RECK: variants seen among roughly 807,000 people sequenced by gnomAD.
RECK encodes reversion-inducing cysteine-rich protein with Kazal motifs.
In RECK, 69 loss-of-function variants were observed where a neutral mutation model predicts 115.1. That is an observed-to-expected ratio of 0.60 (90% CI 0.49 to 0.73). The LOEUF (loss-of-function observed/expected upper bound fraction) is 0.73, where lower values mean the gene tolerates loss of function less well. RECK is among the 30% of genes least tolerant of loss of function. The pLI is 0.00. For missense variants in RECK, 1,047 were observed against 1,203.7 expected (o/e 0.87, Z 1.93); for synonymous variants, 414 against 419.7 (o/e 0.99, Z 0.17).
chr9:36,104,562 T>G (rs963243358), intron 12 of RECK, among the ~76,000 whole-genome samples: 2 of 149,242 alleles, frequency 1.3e-5, no homozygotes, highest in African/African-American at 4.9e-5. Context: ...CAAGCTGGAG[T>G]GCAGTGATGT....
intron 6 of RECK, among the ~76,000 whole-genome samples, chr9:36,070,105 A>G (rs1822170364): frequency 6.6e-6 from 1 of 152,262 alleles, no homozygotes; most frequent in Admixed American, 6.5e-5. Context: ...TAAAATATCT[A>G]CTTCAGACAG....
chr9:36,065,463 T>C, intron 5 of RECK, 114 bp from the exon 6 acceptor site: 1 of 674,510 alleles, frequency 1.5e-6, no homozygotes, highest in Non-Finnish European at 2.3e-6. Flanking sequence ...AAGGTTTTCC[T>C]TGATGAAATA....
At position 36,062,160 on chromosome 9, in the gene RECK, CTT is replaced by C. The variant is rs770648750; in HGVS notation, c.272-1618_272-1617del. ...TCATAATTATTTCTTGCATCTCCTACTTTTTTTTTTTTTTTTTTGAGATGGAG... is the reference window on the plus strand; with the variant it reads ...TCATAATTATTTCTTGCATCTCCTACTTTTTTTTTTTTTTTTGAGATGGAG... On this transcript the variant is annotated intron_variant, in intron 4 of 20. Transcript: ENST00000377966. 4.7e-3 allele frequency among the ~76,000 whole-genome samples: 619 copies of C among 131,922 alleles called. 4 individuals are homozygous for C. Among genetic ancestry groups the C allele is most frequent in the Non-Finnish European group, 4.8e-3 (306 of 63,100 alleles). The allele number at this position is 131,922 out of a possible 152,430, so 86.5% of individuals were successfully genotyped here.
Position 36,112,360 on chromosome 9 carries a change from C to T in RECK, c.1944C>T (p.Arg648=). Reference sequence around the variant, plus strand: ...TCCCTGTATGTGGGCAGAATGGGCGCACTTACCCCAGTGCCTGCATTGCTC... The same window carrying T: ...TCCCTGTATGTGGGCAGAATGGGCGTACTTACCCCAGTGCCTGCATTGCTC... ...QFVPVCGQNG[R]TYPSACIARC... is the part of the protein sequence containing the mutation. Residue 648 remains arginine (R), a synonymous_variant, in exon 16 of 21, where the codon CGC becomes CGT. Transcript: ENST00000377966. 6.2e-7 allele frequency: 1 copy of T among 1,613,794 alleles called. No homozygotes were observed. The highest frequency in any genetic ancestry group is 8.5e-7 in the Non-Finnish European group (1 of 1,180,012).
At chr9:36,099,239 A>ACAT (rs1254624107) in intron 10 of RECK, among the ~76,000 whole-genome samples, 2 of 145,990 alleles carry the variant, frequency 1.4e-5, no homozygotes, top group Non-Finnish European at 3.0e-5. Context: ...AACAACAACA[A>ACAT]CAACAACAAC....
intron 10 of RECK, among the ~76,000 whole-genome samples, chr9:36,097,214 G>C (rs1243333904): frequency 6.6e-6 from 1 of 151,626 alleles, no homozygotes; most frequent in East Asian, 1.9e-4. Context: ...TGTAGTCTCA[G>C]CTACTTGGGA....
chr9:36,100,451 T>TA lies in RECK; in HGVS notation c.1211dup (p.Cys405ValfsTer16). The TA allele has an allele frequency of 6.2e-7, 1 of 1,614,026 alleles. No individual in the cohort carries two copies. Among genetic ancestry groups the TA allele is most frequent in the Non-Finnish European group, 8.5e-7 (1 of 1,179,902 alleles). On this transcript the variant is annotated frameshift_variant, in exon 11 of 21. Coordinates refer to ENST00000377966, the MANE Select transcript of RECK (RefSeq NM_021111.3). LOFTEE classifies it high-confidence loss of function. ...TTATCAATATACCTGTTCTTGATAT[T>TA]AAAAAGTGCCAGCCAGAGATGTGGA...
chr9:36,082,239 G>A (rs1822746469), intron 7 of RECK, among the ~76,000 whole-genome samples: 1 of 148,234 alleles, frequency 6.7e-6, no homozygotes, highest in Non-Finnish European at 1.5e-5. Flanking sequence ...GCTAGAGTGT[G>A]GTGGCGAGAT....
rs1480619862 is a variant in RECK at position 36,094,774 on chromosome 9, A to G, written c.1085+3431A>G. Among the ~76,000 whole-genome samples the G allele has an allele frequency of 6.6e-6, 1 of 152,214 alleles. No individual in the cohort carries two copies. Among genetic ancestry groups the G allele is most frequent in the East Asian group, 1.9e-4 (1 of 5,208 alleles). ...TATATATGCACCTAATGTCAGATAG[A>G]TGCATATACTCAAAATACTTAAAAA... On this transcript the variant is annotated intron_variant, in intron 10 of 20. Transcript: ENST00000377966. This position sits in a 1 kb window ranked among gnomAD's most constrained non-coding sequence, Gnocchi z 4.1.
intron 5 of RECK, among the ~76,000 whole-genome samples, chr9:36,065,049 C>T (rs2132590902): frequency 1.3e-5 from 2 of 152,110 alleles, no homozygotes; most frequent in Middle Eastern, 3.4e-3. Flanking sequence ...AAGAGACTTA[C>T]ACAAAAATAA....
chr9:36,083,837 C>T (rs936993144), intron 8 of RECK, among the ~76,000 whole-genome samples: 1 of 152,048 alleles, frequency 6.6e-6, no homozygotes, highest in Non-Finnish European at 1.5e-5. Flanking sequence ...TGGGTAATGA[C>T]CATTAGGATT....
rs73648703 is a variant in RECK at position 36,051,934 on chromosome 9, A to G, written c.101-331A>G. On this transcript the variant is annotated intron_variant, in intron 1 of 20. Coordinates refer to ENST00000377966, the MANE Select transcript of RECK (RefSeq NM_021111.3). Reference sequence around the variant, plus strand: ...ATTGGTTTAAAAATAGCTCTAGTCCATATGGTAATTGTAAGGATTAGATAA... The same window carrying G: ...ATTGGTTTAAAAATAGCTCTAGTCCGTATGGTAATTGTAAGGATTAGATAA... Among the ~76,000 whole-genome samples the G allele has an allele frequency of 3.8e-3, 585 of 152,328 alleles. 4 individuals carry two copies. Among genetic ancestry groups the G allele is most frequent in the African/African-American group, 0.014 (564 of 41,566 alleles).
chr9:36,056,864 G>A (rs148810200), intron 2 of RECK: 62 of 485,974 alleles, frequency 1.3e-4, no homozygotes, highest in South Asian at 2.6e-4. Flanking sequence ...TTCACTAGGC[G>A]TTGCAAAATA....
At chr9:36,119,793 G>A (rs1017729807) in intron 18 of RECK, among the ~76,000 whole-genome samples, 3 of 152,156 alleles carry the variant, frequency 2.0e-5, no homozygotes, top group African/African-American at 7.2e-5. Context: ...ACGATGACAC[G>A]AAATGAAGGG....
At chr9:36,043,285 ACCCGCCTCGG>A (rs1820955071) in intron 1 of RECK, among the ~76,000 whole-genome samples, 2 of 128,292 alleles carry the variant, frequency 1.6e-5, no homozygotes, top group Admixed American at 1.8e-4. Context: ...CTCCTGATCC[ACCCGCCTCGG>A]CCTCCCAAAG....
At chr9:36,116,818 T>A (rs1310671014) in intron 16 of RECK, among the ~76,000 whole-genome samples, 167 bp from the exon 17 acceptor site, 1 of 152,218 alleles carries the variant, frequency 6.6e-6, no homozygotes, top group Admixed American at 6.5e-5. Flanking sequence ...TAGCCTACTG[T>A]ATATACAGGC....
intron 11 of RECK, among the ~76,000 whole-genome samples, chr9:36,100,975 G>GTGT (rs1554708948): frequency 6.8e-6 from 1 of 146,690 alleles, no homozygotes; most frequent in African/African-American, 2.5e-5. Flanking sequence ...TTTGTTTTGT[G>GTGT]TTTTTTTTTT....
intron 1 of RECK, among the ~76,000 whole-genome samples, chr9:36,037,436 G>C (rs1220011779): frequency 6.6e-6 from 1 of 151,714 alleles, no homozygotes; most frequent in Non-Finnish European, 1.5e-5. Context: ...TCGTCGCGAG[G>C]TTTAGATGGG....
intron 5 of RECK, among the ~76,000 whole-genome samples, chr9:36,064,828 G>T (rs944177751): frequency 6.6e-6 from 1 of 152,132 alleles, no homozygotes; most frequent in Non-Finnish European, 1.5e-5. Flanking sequence ...TGGCCTAGGT[G>T]ATAGAACAGG....
Sources: allele counts gnomAD v4.1 joint callset (sites outside exome capture counted in the v4.1 genomes callset), GRCh38; gene constraint gnomAD v4.1.1; non-coding constraint Gnocchi (gnomAD v3.1); transcripts MANE v1.5; gene names NCBI Gene and HGNC (gene_info 2026-07-23, HGNC 2026-07-21).